TMEM117: variants seen among roughly 807,000 people sequenced by gnomAD.
TMEM117 encodes the protein transmembrane protein 117.
Under a neutral mutation model 52.4 loss-of-function variants are expected in TMEM117, and 27 were observed. That is an observed-to-expected ratio of 0.51 (90% CI 0.38 to 0.71). The LOEUF (loss-of-function observed/expected upper bound fraction) is 0.71. Among genes scored for constraint, TMEM117 ranks in the 30% least tolerant of loss-of-function variants. The probability of loss-of-function intolerance (pLI) is 0.00; values close to 1 mark genes in which losing one functional copy is unlikely to be tolerated. For synonymous variants in TMEM117, 215 were observed against 206.3 expected (o/e 1.04, Z -0.36); for missense variants, 556 against 630.5 (o/e 0.88, Z 1.26).
At chr12:43,815,628 G>A in the TMEM117 span, among the ~76,000 whole-genome samples, 2 of 152,224 alleles carry the variant, frequency 1.3e-5, no homozygotes, top group Non-Finnish European at 2.9e-5. Context: ...AGCATACAAG[G>A]TGAAGAACCC....
intron 2 of TMEM117, among the ~76,000 whole-genome samples, chr12:43,855,871 T>C (rs1943391205): frequency 6.6e-6 from 1 of 152,180 alleles, no homozygotes; most frequent in Non-Finnish European, 1.5e-5. Flanking sequence ...ATAGAAGAGG[T>C]TAAAAGATTC....
chr12:43,950,785 G>A (rs1945207928), intron 3 of TMEM117, among the ~76,000 whole-genome samples: 1 of 152,130 alleles, frequency 6.6e-6, no homozygotes, highest in Non-Finnish European at 1.5e-5. Context: ...AGTAACAATT[G>A]TCCTTATTTT....
intron 3 of TMEM117, among the ~76,000 whole-genome samples, chr12:44,114,794 G>A (rs1056391956): frequency 2.6e-5 from 4 of 152,090 alleles, no homozygotes; most frequent in Admixed American, 6.5e-5. Context: ...TCTTCTGTGC[G>A]TTTAGCTAAT....
chr12:44,008,273 G>A (rs1224237983), intron 3 of TMEM117, among the ~76,000 whole-genome samples: 1 of 152,120 alleles, frequency 6.6e-6, no homozygotes, highest in Non-Finnish European at 1.5e-5. Context: ...AAAGAATAAA[G>A]AATGAGTCTT....
chr12:44,218,971 A>G, intron 5 of TMEM117, among the ~76,000 whole-genome samples: 1 of 152,210 alleles, frequency 6.6e-6, no homozygotes, highest in East Asian at 1.9e-4. Flanking sequence ...ACAGTACTGC[A>G]CTGTATGGCG....
At chr12:44,107,414 T>C (rs553853835) in intron 3 of TMEM117, among the ~76,000 whole-genome samples, 4 of 152,210 alleles carry the variant, frequency 2.6e-5, no homozygotes, top group South Asian at 4.1e-4. Context: ...TCTACTTTTT[T>C]AGAAGAGAAA....
At chr12:44,307,502 A>C (rs2138660736) in intron 6 of TMEM117, among the ~76,000 whole-genome samples, 1 of 152,336 alleles carries the variant, frequency 6.6e-6, no homozygotes, top group Admixed American at 6.5e-5. Flanking sequence ...ATAGGGTCCC[A>C]AGTGGTGACG....
chr12:44,311,883 A>ATATG lies in TMEM117; in HGVS notation c.768+12145_768+12146insATGT, dbSNP rs1287824789. Among the ~76,000 whole-genome samples, 29 of 124,054 alleles carry ATATG rather than the reference A, an allele frequency of 2.3e-4. 1 individual carries two copies. Among genetic ancestry groups the ATATG allele is most frequent in the South Asian group, 9.1e-4 (4 of 4,410 alleles). 81.4% of individuals were successfully genotyped at this position (124,054 alleles called of 152,430 possible). A position where few individuals can be genotyped will look rare whatever the true frequency, so the allele number is the denominator to read the frequency against. On this transcript the variant is annotated intron_variant, in intron 6 of 7. Coordinates refer to ENST00000266534, the MANE Select transcript of TMEM117 (RefSeq NM_032256.3). ...TATATATATGTATATATATGTATAT[A>ATATG]TGTATATATATGTGTATATATATAT...
At chr12:44,188,155 A>G (rs17094193) in intron 4 of TMEM117, among the ~76,000 whole-genome samples, 8,375 of 152,186 alleles carry the variant, frequency 0.055, 364 homozygotes, top group South Asian at 0.14. Context: ...AGCTACTTAC[A>G]TGTCCATATC....
intron 5 of TMEM117, among the ~76,000 whole-genome samples, chr12:44,217,069 G>T (rs1565603300): frequency 6.6e-6 from 1 of 151,992 alleles, no homozygotes. Context: ...ATCAACAAAT[G>T]ATTATTATCT....
intron 3 of TMEM117, among the ~76,000 whole-genome samples, chr12:44,142,657 T>A (rs1334002240): frequency 4.6e-5 from 7 of 151,918 alleles, no homozygotes; most frequent in Admixed American, 4.6e-4. Flanking sequence ...GGAGCAAAAT[T>A]TAAGATAAAA....
intron 4 of TMEM117, among the ~76,000 whole-genome samples, chr12:44,191,970 G>A (rs1407857242): frequency 6.6e-6 from 1 of 152,052 alleles, no homozygotes; most frequent in Admixed American, 6.6e-5. Flanking sequence ...AATGTAAAAG[G>A]TCAAGGGATA....
intron 3 of TMEM117, among the ~76,000 whole-genome samples, chr12:44,139,687 G>A (rs1042631898): frequency 2.0e-5 from 3 of 152,054 alleles, no homozygotes; most frequent in South Asian, 2.1e-4. Context: ...GAAAACAAAG[G>A]ATGTATGAGT....
At chr12:43,993,396 A>G (rs558588021) in intron 3 of TMEM117, among the ~76,000 whole-genome samples, 2 of 152,354 alleles carry the variant, frequency 1.3e-5, no homozygotes, top group South Asian at 4.1e-4. Flanking sequence ...TATCACTTGT[A>G]CTATATGCCT....
intron 2 of TMEM117, among the ~76,000 whole-genome samples, chr12:43,909,040 A>G (rs908954139): frequency 9.6e-5 from 8 of 82,934 alleles, no homozygotes; most frequent in African/African-American, 2.4e-4. Context: ...TCAACAGAAT[A>G]TACATTTTTT....
At chr12:44,275,667 T>C (rs994900971) in intron 5 of TMEM117, among the ~76,000 whole-genome samples, 1 of 151,992 alleles carries the variant, frequency 6.6e-6, no homozygotes, top group Non-Finnish European at 1.5e-5. Context: ...GAACTAGAGA[T>C]CATTATATTA....
intron 3 of TMEM117, among the ~76,000 whole-genome samples, chr12:43,982,425 G>C (rs559677101): frequency 4.0e-4 from 61 of 152,208 alleles, no homozygotes; most frequent in Non-Finnish European, 7.2e-4. Context: ...CTGGCTTCAC[G>C]TTAGGTACAG....
chr12:44,268,896 C>T (rs1384349225), intron 5 of TMEM117, among the ~76,000 whole-genome samples: 1 of 152,142 alleles, frequency 6.6e-6, no homozygotes, highest in Non-Finnish European at 1.5e-5. Context: ...ACAGTTCCCT[C>T]CTCCCTTAAG....
intron 3 of TMEM117, among the ~76,000 whole-genome samples, chr12:44,015,345 G>A (rs1340422856): frequency 1.3e-5 from 2 of 152,112 alleles, no homozygotes; most frequent in Non-Finnish European, 2.9e-5. Flanking sequence ...TTTGTGTCAT[G>A]GTGATCAGTG....
Sources: gnomAD v4.1 joint callset for allele counts (sites outside exome capture counted in the v4.1 genomes callset) on GRCh38, gnomAD v4.1.1 for gene constraint, MANE v1.5 for transcripts, NCBI Gene and HGNC (gene_info 2026-07-23, HGNC 2026-07-21) for gene names.